Variants in ALK observed in about 807,000 individuals in gnomAD.
ALK encodes ALK receptor tyrosine kinase, also known as ALK tyrosine kinase receptor.
Under a neutral mutation model 163.1 loss-of-function variants are expected in ALK, and 74 were observed. The ratio of observed to expected loss-of-function variants is 0.45; its 90% confidence interval spans 0.38 to 0.55. The LOEUF is 0.55. Among genes scored for constraint, ALK ranks in the 20% least tolerant of loss-of-function variants. The pLI, the probability that ALK is intolerant of heterozygous loss-of-function variation, is 0.00. For synonymous variants in ALK, 960 were observed against 843.2 expected (o/e 1.14, Z -2.40); for missense variants, 2,063 against 2,105.3 (o/e 0.98, Z 0.39).
chr2:29,434,183 G>A (rs1670343276), intron 4 of ALK, among the ~76,000 whole-genome samples: 1 of 152,108 alleles, frequency 6.6e-6, no homozygotes, highest in South Asian at 2.1e-4. Flanking sequence ...ATTTTTAACT[G>A]AATATTTTAA....
At chr2:29,402,854 T>C (rs1012311782) in intron 4 of ALK, among the ~76,000 whole-genome samples, 1 of 152,180 alleles carries the variant, frequency 6.6e-6, no homozygotes, top group Non-Finnish European at 1.5e-5. Flanking sequence ...TCTGTTCACA[T>C]GTGATCACCA....
chr2:29,276,137 T>G (rs1665541740), intron 9 of ALK, among the ~76,000 whole-genome samples: 1 of 152,212 alleles, frequency 6.6e-6, no homozygotes, highest in African/African-American at 2.4e-5. Flanking sequence ...TATCCATTGA[T>G]TAGCCCAGCA....
chr2:29,615,189 TCTC>T (rs576876262), intron 3 of ALK, among the ~76,000 whole-genome samples: 84 of 152,200 alleles, frequency 5.5e-4, no homozygotes, highest in African/African-American at 1.6e-3. Flanking sequence ...TGTTCCCTCT[TCTC>T]CTCCTTCCTA....
At position 29,790,965 on chromosome 2, in the gene ALK, G is replaced by C. The variant is rs146062318; in HGVS notation, c.668-73268C>G. ...CTGGAGTGACAGCAAAGGCTCTGAAGCCCAAGAGATAGGAATCTGTATCTG... is the reference window on the plus strand; with the variant it reads ...CTGGAGTGACAGCAAAGGCTCTGAACCCCAAGAGATAGGAATCTGTATCTG... On this transcript the variant is annotated intron_variant, in intron 1 of 28. Transcript: ENST00000389048. 5.3e-5 allele frequency among the ~76,000 whole-genome samples: 8 copies of C among 152,286 alleles called. No homozygotes were observed. The East Asian group carries it at 1.5e-3, about 29-fold the overall frequency.
intron 4 of ALK, among the ~76,000 whole-genome samples, chr2:29,423,047 A>G (rs190140930): frequency 6.5e-4 from 99 of 152,252 alleles, no homozygotes; most frequent in Non-Finnish European, 1.1e-3. Flanking sequence ...AGAGAAATAG[A>G]GGGCATATTC....
At chr2:29,651,750 C>T (rs918761798) in intron 3 of ALK, among the ~76,000 whole-genome samples, 1 of 152,176 alleles carries the variant, frequency 6.6e-6, no homozygotes, top group Non-Finnish European at 1.5e-5. Context: ...TTCTTTTGTA[C>T]TGGCTTGCCT....
chr2:29,379,578 T>A lies in ALK; in HGVS notation c.1282+4154A>T, dbSNP rs117476874. On this transcript the variant is annotated intron_variant, in intron 5 of 28. Transcript: ENST00000389048. ...TAAAGTCTTCCAAGGAGAATTTCTG[T>A]GGCTGCAAATGACATTTCCTGGCCC... 1.1e-3 allele frequency among the ~76,000 whole-genome samples: 171 copies of A among 152,308 alleles called. 4 individuals carry two copies. In the East Asian group the frequency reaches 0.014, roughly 13 times the overall value.
intron 4 of ALK, among the ~76,000 whole-genome samples, chr2:29,399,385 A>G (rs1434036961): frequency 1.3e-5 from 2 of 152,218 alleles, no homozygotes; most frequent in African/African-American, 4.8e-5. Flanking sequence ...ACCATCTAAG[A>G]GGGCTCCCTG....
intron 1 of ALK, among the ~76,000 whole-genome samples, chr2:29,738,733 A>G (rs1013043166): frequency 1.3e-5 from 2 of 152,092 alleles, no homozygotes; most frequent in Admixed American, 6.5e-5. Flanking sequence ...CTCAACTTAA[A>G]GCTGAAGCAT....
Position 29,439,953 on chromosome 2 carries a change from C to T in ALK, c.1155-56094G>A, listed in dbSNP as rs141865637. On this transcript the variant is annotated intron_variant, in intron 4 of 28. Coordinates refer to ENST00000389048, the MANE Select transcript of ALK (RefSeq NM_004304.5). ...TGGAAAACTAATACACATCTTTGGC[C>T]GGGCATGGTGGCTCACGCCTGTAAT... is the stretch of plus-strand genomic sequence containing the variant. Among the ~76,000 whole-genome samples, 27 of 152,166 alleles carry T rather than the reference C, an allele frequency of 1.8e-4. 1 individual carries two copies. Among genetic ancestry groups the T allele is most frequent in the African/African-American group, 4.6e-4 (19 of 41,514 alleles).
At chr2:29,707,111 A>G (rs942166738) in intron 2 of ALK, among the ~76,000 whole-genome samples, 2 of 151,652 alleles carry the variant, frequency 1.3e-5, no homozygotes, top group Non-Finnish European at 2.9e-5. Context: ...ACTGCTCAAT[A>G]TGACATCTGT....
chr2:29,912,796 G>A (rs1667741422), intron 1 of ALK, among the ~76,000 whole-genome samples: 1 of 152,108 alleles, frequency 6.6e-6, no homozygotes, highest in African/African-American at 2.4e-5. Context: ...TAGAATTCAT[G>A]TCTTCGAGCT....
chr2:29,761,289 A>G (rs1010343840), intron 1 of ALK, among the ~76,000 whole-genome samples: 16 of 152,232 alleles, frequency 1.1e-4, no homozygotes, highest in African/African-American at 3.6e-4. Context: ...CTTTGAAGGC[A>G]GATAGATGTG....
chr2:29,512,182 A>G (rs1672540636), intron 4 of ALK, among the ~76,000 whole-genome samples: 1 of 152,196 alleles, frequency 6.6e-6, no homozygotes, highest in Non-Finnish European at 1.5e-5. Flanking sequence ...GAAATGTTAT[A>G]ATAGCTTTAG....
At chr2:29,765,622 A>T (rs1300046195) in intron 1 of ALK, among the ~76,000 whole-genome samples, 2 of 152,018 alleles carry the variant, frequency 1.3e-5, no homozygotes, top group Admixed American at 6.6e-5. Flanking sequence ...CTTTTAGAAT[A>T]AAAAAAGAGT....
intron 6 of ALK, among the ~76,000 whole-genome samples, chr2:29,325,610 T>C (rs1187761506): frequency 6.6e-6 from 1 of 152,196 alleles, no homozygotes; most frequent in African/African-American, 2.4e-5. Context: ...AGCTAAGTGC[T>C]GGAAGCTCGT....
intron 4 of ALK, among the ~76,000 whole-genome samples, chr2:29,525,023 A>G (rs1672920377): frequency 6.6e-6 from 1 of 152,186 alleles, no homozygotes; most frequent in African/African-American, 2.4e-5. Flanking sequence ...TGGCTTTAAG[A>G]GGTTTGGCTT....
intron 1 of ALK, among the ~76,000 whole-genome samples, chr2:29,823,292 T>C (rs1036863593): frequency 6.6e-6 from 1 of 152,196 alleles, no homozygotes; most frequent in Non-Finnish European, 1.5e-5. Context: ...GTCTCAGATA[T>C]ATCATTATCA....
chr2:29,588,588 T>C (rs1674958314), intron 3 of ALK, among the ~76,000 whole-genome samples: 1 of 152,084 alleles, frequency 6.6e-6, no homozygotes, highest in South Asian at 2.1e-4. Context: ...GTAAGGTGAG[T>C]CACATGCTAT....
Sources: allele counts gnomAD v4.1 joint callset (sites outside exome capture counted in the v4.1 genomes callset), GRCh38; gene constraint gnomAD v4.1.1; transcripts MANE v1.5; gene names NCBI Gene and HGNC (gene_info 2026-07-23, HGNC 2026-07-21).